The following TM9SF4 variants were observed in gnomAD, a reference collection of about 807,000 sequenced individuals.
TM9SF4 encodes dinucleotide oxidase disulfide thiol exchanger 3 superfamily member 4.
Under a neutral mutation model 90.4 loss-of-function variants are expected in TM9SF4, and 26 were observed. That is an observed-to-expected ratio of 0.29 (90% CI 0.21 to 0.40). The LOEUF (loss-of-function observed/expected upper bound fraction) is 0.40, where lower values mean the gene tolerates loss of function less well. Among genes scored for constraint, TM9SF4 ranks in the 10% least tolerant of loss-of-function variants. The pLI is 1.00. For synonymous variants in TM9SF4, 293 were observed against 315.4 expected, an observed-to-expected ratio of 0.93 and a Z score of 0.75; for missense variants, 549 against 834.8, an observed-to-expected ratio of 0.66 and a Z score of 4.22.
chr20:32,153,578 G>A (rs1449638054), intron 12 of TM9SF4, among the ~76,000 whole-genome samples: 1 of 151,982 alleles, frequency 6.6e-6, no homozygotes, highest in African/African-American at 2.4e-5. Context: ...GTGAGACCCT[G>A]TCTCTACAAA....
intron 1 of TM9SF4, among the ~76,000 whole-genome samples, chr20:32,112,047 C>T (rs1255444743): frequency 2.0e-5 from 3 of 152,188 alleles, no homozygotes; most frequent in Non-Finnish European, 4.4e-5. Context: ...TGAAGGGAGC[C>T]AGCTTGTTCT....
At chr20:32,158,339 T>C in intron 14 of TM9SF4, 112 bp from the exon 15 acceptor site, 6 of 1,033,472 alleles carry the variant, frequency 5.8e-6, no homozygotes, top group Non-Finnish European at 9.1e-6. Flanking sequence ...GCCAGAAGAA[T>C]TAGCACCACC....
chr20:32,155,255 C>A, intron 13 of TM9SF4, 69 bp downstream of exon 13: 1 of 1,289,638 alleles, frequency 7.8e-7, no homozygotes, highest in Non-Finnish European at 1.1e-6. Context: ...AGCCCTACTC[C>A]CAAAAGCCAC....
intron 1 of TM9SF4, among the ~76,000 whole-genome samples, chr20:32,130,483 C>T (rs572061014): frequency 1.3e-5 from 2 of 152,270 alleles, no homozygotes; most frequent in South Asian, 4.1e-4. Context: ...TCACATGACA[C>T]ACTTGCGTTC....
At chr20:32,116,855 C>T (rs1442834909) in intron 1 of TM9SF4, among the ~76,000 whole-genome samples, 17 of 119,782 alleles carry the variant, frequency 1.4e-4, no homozygotes, top group Admixed American at 2.7e-4. Flanking sequence ...CCTCCTTTTT[C>T]CTTTTTCTTT....
rs1299990298 is a variant in TM9SF4 at position 32,142,967 on chromosome 20, G to T, written c.529-15G>T. The T allele has an allele frequency of 6.2e-7, 1 of 1,612,126 alleles. No individual in the cohort carries two copies. Among genetic ancestry groups the T allele is most frequent in the Admixed American group, 1.7e-5 (1 of 59,944 alleles). ...AGTGATGTTCTGTTGTGCTTTCTCT[G>T]TTGCTGTGTTTCAGATCTACCTGCA... On this transcript the variant is annotated splice_polypyrimidine_tract_variant and intron_variant, in intron 5 of 17. Transcript: ENST00000398022.
At chr20:32,110,035 C>T in intron 1 of TM9SF4, 2 of 1,377,256 alleles carry the variant, frequency 1.5e-6, no homozygotes, top group Non-Finnish European at 1.9e-6. Flanking sequence ...TGGTCTCCGC[C>T]CACTGTGAGC....
chr20:32,121,856 ACGGGGCGGC>A (rs2046314234), intron 1 of TM9SF4, among the ~76,000 whole-genome samples: 1 of 145,088 alleles, frequency 6.9e-6, no homozygotes, highest in African/African-American at 2.6e-5. Context: ...TCCCTCCCGG[ACGGGGCGGC>A]TGGCCGGGCG....
chr20:32,120,394 CG>C (rs1448781577), intron 1 of TM9SF4, among the ~76,000 whole-genome samples: 3 of 69,458 alleles, frequency 4.3e-5, no homozygotes, highest in African/African-American at 2.8e-4. Flanking sequence ...CTAAGTGGTG[CG>C]TTTTTTTTTT....
chr20:32,113,942 C>G (rs1165276317), intron 1 of TM9SF4, among the ~76,000 whole-genome samples: 1 of 152,168 alleles, frequency 6.6e-6, no homozygotes. Context: ...GGCTTCTTAG[C>G]ATAATGTTTT....
At chr20:32,157,712 C>A (rs2046949378) in intron 13 of TM9SF4, 82 bp from the exon 14 acceptor site, 1 of 1,540,538 alleles carries the variant, frequency 6.5e-7, no homozygotes, top group Non-Finnish European at 8.8e-7. Context: ...TTCTGTGGAG[C>A]CCAGAAGGTC....
chr20:32,163,263 AAAAAAATATATAT>A (rs1418815437), intron 17 of TM9SF4, among the ~76,000 whole-genome samples: 10 of 81,500 alleles, frequency 1.2e-4, no homozygotes, highest in Non-Finnish European at 2.3e-4. Context: ...AAAAAAAAAA[AAAAAAATATATAT>A]ATATATATAT....
At chr20:32,146,482 C>T (rs1472112976) in intron 8 of TM9SF4, among the ~76,000 whole-genome samples, 1 of 152,182 alleles carries the variant, frequency 6.6e-6, no homozygotes, top group Non-Finnish European at 1.5e-5. Flanking sequence ...CCCTTGGACA[C>T]ATGAGCTGAG....
At chr20:32,119,950 G>GA (rs2046280627) in intron 1 of TM9SF4, among the ~76,000 whole-genome samples, 1 of 152,038 alleles carries the variant, frequency 6.6e-6, no homozygotes, top group South Asian at 2.1e-4. Context: ...CAGCTTTGTT[G>GA]AAAATCAATT....
chr20:32,117,309 G>A (rs992400758), intron 1 of TM9SF4, among the ~76,000 whole-genome samples: 9 of 151,326 alleles, frequency 5.9e-5, no homozygotes, highest in Non-Finnish European at 1.2e-4. Context: ...TGCTGCTTTT[G>A]CAGTAGGAAA....
intron 5 of TM9SF4, among the ~76,000 whole-genome samples, chr20:32,142,776 G>A (rs1428984703): frequency 6.6e-6 from 1 of 152,196 alleles, no homozygotes; most frequent in Non-Finnish European, 1.5e-5. Context: ...GATGATAGAA[G>A]GCCTTGAATG....
chr20:32,123,037 C>T (rs1367981108), intron 1 of TM9SF4, among the ~76,000 whole-genome samples: 4 of 150,668 alleles, frequency 2.7e-5, no homozygotes, highest in South Asian at 2.1e-4. Flanking sequence ...GGCGTGGCGG[C>T]GTGCGCCTGC....
In TM9SF4 at chr20:32,110,103, T is replaced by G. The variant is rs2046119027; in HGVS notation, c.15+348T>G. 2.6e-6 allele frequency: 3 copies of G among 1,147,686 alleles called. No homozygotes were observed. The African/African-American group carries it at 4.7e-5, about 18-fold the overall frequency. The allele number at this position is 1,147,686 out of a possible 1,614,324, so 71.1% of individuals were successfully genotyped here. A position where few individuals can be genotyped will look rare whatever the true frequency, so the allele number is the denominator to read the frequency against. ...CCCCTCTGAAGACCCCCTCCCGTTA[T>G]TCTCATCCTTGCTCCTCCCCGTCAC... On this transcript the variant is annotated intron_variant, in intron 1 of 17. Transcript: ENST00000398022.
chr20:32,114,762 T>C (rs2046196157), intron 1 of TM9SF4, among the ~76,000 whole-genome samples: 1 of 152,214 alleles, frequency 6.6e-6, no homozygotes, highest in Non-Finnish European at 1.5e-5. Context: ...CTGGACCCCA[T>C]GTACAGGAGG....
Sources: allele counts gnomAD v4.1 joint callset (sites outside exome capture counted in the v4.1 genomes callset), GRCh38; gene constraint gnomAD v4.1.1; transcripts MANE v1.5; gene names NCBI Gene and HGNC (gene_info 2026-07-23, HGNC 2026-07-21).